PPFIA3: variants seen among roughly 807,000 people sequenced by gnomAD.
The protein encoded by PPFIA3 is liprin-alpha-3.
In PPFIA3, 26 loss-of-function variants were observed where a neutral mutation model predicts 145.8. That is an observed-to-expected ratio of 0.18 (90% CI 0.13 to 0.25). The LOEUF is 0.25. PPFIA3 is among the 10% of genes least tolerant of loss of function. The pLI is 1.00. For synonymous variants in PPFIA3, 645 were observed against 661.4 expected (o/e 0.98, Z 0.38); for missense variants, 1,008 against 1,587.8 (o/e 0.63, Z 6.21).
intron 7 of PPFIA3, among the ~76,000 whole-genome samples, chr19:49,132,390 CAAAAAAAAAAAAAAA>C (rs11351172): frequency 2.5e-4 from 11 of 43,650 alleles, no homozygotes; most frequent in South Asian, 1.4e-3. Context: ...CTCTCTCTCT[CAAAAAAAAAAAAAAA>C]AAAAAAAAAA....
In PPFIA3 at chr19:49,136,670, C is replaced by G. The variant is rs980143723; in HGVS notation, c.1666-54C>G. ...GTCAGGATCATGAGCCAAGACCCAGCGCCAACCTCGGCCCCCAGCCACCTA... is the reference window on the plus strand; with the variant it reads ...GTCAGGATCATGAGCCAAGACCCAGGGCCAACCTCGGCCCCCAGCCACCTA... On this transcript the variant is annotated intron_variant, in intron 14 of 29. Transcript: ENST00000334186. 14 of 1,301,192 alleles carry G rather than the reference C, an allele frequency of 1.1e-5. No individual in the cohort carries two copies. In the African/African-American group the frequency reaches 1.8e-4, roughly 17 times the overall value. 80.6% of individuals were successfully genotyped at this position (1,301,192 alleles called of 1,614,324 possible). A position where few individuals can be genotyped will look rare whatever the true frequency, so the allele number is the denominator to read the frequency against.
chr19:49,135,176 G>T (rs998977637), intron 13 of PPFIA3, among the ~76,000 whole-genome samples: 1 of 151,946 alleles, frequency 6.6e-6, no homozygotes, highest in African/African-American at 2.4e-5. Flanking sequence ...CAAGTAGCTG[G>T]GACTACAGGC....
At chr19:49,141,293 C>T (rs1600345142) in intron 18 of PPFIA3, 127 bp from the exon 19 acceptor site, 7 of 647,516 alleles carry the variant, frequency 1.1e-5, no homozygotes, top group Admixed American at 5.7e-5. Context: ...ATCACTTCCT[C>T]GATGTGCCCT....
chr19:49,121,294 C>A (rs1297540605), intron 1 of PPFIA3, among the ~76,000 whole-genome samples: 1 of 152,074 alleles, frequency 6.6e-6, no homozygotes, highest in Non-Finnish European at 1.5e-5. Context: ...TGCTGCCATA[C>A]AAATTTCTTT....
At position 49,139,690 on chromosome 19, in the gene PPFIA3, C is replaced by A. The variant is rs1172460578; in HGVS notation, c.2099C>A (p.Ala700Asp). 1 of 1,608,034 alleles carries A rather than the reference C, an allele frequency of 6.2e-7. No homozygotes were observed. Among genetic ancestry groups the A allele is most frequent in the African/African-American group, 1.3e-5 (1 of 74,808 alleles). The part of the protein sequence containing the change: ...DKANHVPKEE[A>D]GAPRGEGPAI... ...CAGAATCATGTCCCTAAGGAGGAAG[C>A]TGGAGCTCCACGAGGGGAGGGGCCG... The change falls in exon 17 of 30, where the codon GCT (alanine) becomes GAT (aspartate). Residue 700 changes from alanine (A) to aspartate (D), a missense_variant. Ala to Asp is a moderately radical substitution (Grantham distance 126). Transcript: ENST00000334186.
intron 16 of PPFIA3, among the ~76,000 whole-genome samples, 160 bp from the exon 17 acceptor site, chr19:49,139,508 A>G (rs1568439097): frequency 1.3e-5 from 2 of 151,410 alleles, no homozygotes; most frequent in African/African-American, 4.9e-5. Flanking sequence ...AAAAAAAAAA[A>G]AGTTTCTGCA....
rs751479335 is a variant in PPFIA3, at chr19:49,150,070, C to T, written c.3527-10C>T. The T allele has an allele frequency of 2.5e-6, 4 of 1,606,750 alleles. No homozygotes were observed. The highest frequency in any genetic ancestry group is 1.3e-5 in the African/African-American group (1 of 74,896). On this transcript the variant is annotated splice_polypyrimidine_tract_variant and intron_variant, in intron 28 of 29. Coordinates refer to ENST00000334186, the MANE Select transcript of PPFIA3 (RefSeq NM_003660.4). ...GCTCCAGGCTGAACCGCTGCTCGCT[C>T]TCCCTCCAGGCCAGACTTCTGGGAG... is the stretch of plus-strand genomic sequence containing the variant.
chr19:49,146,196 G>GGGGGCGC lies in PPFIA3; in HGVS notation c.2835+11_2835+17dup. ...CAAGGAGATCAGCTGGGAGCAGGTA[G>GGGGGCGC]GGGGCGCGGGGCGGGGCGTGAGCGC... On this transcript the variant is annotated splice_donor_region_variant and intron_variant, in intron 23 of 29. Transcript: ENST00000334186. 6.2e-7 allele frequency: 1 copy of GGGGGCGC among 1,613,838 alleles called. No homozygotes were observed. The highest frequency in any genetic ancestry group is 8.5e-7 in the Non-Finnish European group (1 of 1,179,920).
intron 19 of PPFIA3, among the ~76,000 whole-genome samples, 200 bp from the exon 20 acceptor site, chr19:49,141,834 T>A (rs1276544194): frequency 1.3e-5 from 2 of 152,114 alleles, no homozygotes; most frequent in Non-Finnish European, 2.9e-5. Context: ...TTTTGTTCTC[T>A]CTTTTGATAG....
chr19:49,133,448 G>C lies in PPFIA3; in HGVS notation c.1161+77G>C. On this transcript the variant is annotated intron_variant, in intron 9 of 29. Transcript: ENST00000334186. This position sits in a 1 kb window ranked among gnomAD's most constrained non-coding sequence, Gnocchi z 7.2. ...GAGGAGGCGGGGCCGTGAATCTGGAGGGGTAGGAGCGAGGTCAGAACCCCG... is the reference window on the plus strand; with the variant it reads ...GAGGAGGCGGGGCCGTGAATCTGGACGGGTAGGAGCGAGGTCAGAACCCCG... The C allele has an allele frequency of 6.8e-7, 1 of 1,462,978 alleles. No homozygotes were observed. Among genetic ancestry groups the C allele is most frequent in the Non-Finnish European group, 9.0e-7 (1 of 1,107,374 alleles). 90.6% of individuals were successfully genotyped at this position (1,462,978 alleles called of 1,614,324 possible).
At position 49,145,924 on chromosome 19, in the gene PPFIA3, A is replaced by G; in HGVS notation, c.2746-19A>G. On this transcript the variant is annotated intron_variant, in intron 21 of 29. Coordinates refer to ENST00000334186, the MANE Select transcript of PPFIA3 (RefSeq NM_003660.4). ...GCGAAGCCCTCTCCCACCATCCATT[A>G]ACACTCCCTGCCCCTCAGTCCACAG... 6.2e-7 allele frequency: 1 copy of G among 1,612,596 alleles called. No individual in the cohort carries two copies. The highest frequency in any genetic ancestry group is 8.5e-7 in the Non-Finnish European group (1 of 1,178,656).
chr19:49,148,503 A>G (rs1219231687), intron 24 of PPFIA3, 163 bp from the exon 25 acceptor site: 3 of 713,048 alleles, frequency 4.2e-6, no homozygotes, highest in South Asian at 1.9e-5. Flanking sequence ...GGAAGTGCCT[A>G]TTATTGAAAA....
rs1020054721 is a variant in PPFIA3 at position 49,133,430 on chromosome 19, C to T, written c.1161+59C>T. The stretch of plus-strand genomic sequence containing the variant: ...GGGAAGGGGTGGGGCCTAGAGGAGG[C>T]GGGGCCGTGAATCTGGAGGGGTAGG... On this transcript the variant is annotated intron_variant, in intron 9 of 29. Coordinates refer to ENST00000334186, the MANE Select transcript of PPFIA3 (RefSeq NM_003660.4). This position sits in a 1 kb window ranked among gnomAD's most constrained non-coding sequence, Gnocchi z 7.2. The T allele has an allele frequency of 3.7e-6, 5 of 1,346,922 alleles. No homozygotes were observed. Among genetic ancestry groups the T allele is most frequent in the African/African-American group, 3.2e-5 (2 of 62,188 alleles). 83.4% of individuals were successfully genotyped at this position (1,346,922 alleles called of 1,614,324 possible). A position where few individuals can be genotyped will look rare whatever the true frequency, so the allele number is the denominator to read the frequency against.
rs566360934 is a variant in PPFIA3, at chr19:49,140,026, G to A, written c.2306G>A (p.Arg769His). 4 of 1,614,182 alleles carry A rather than the reference G, an allele frequency of 2.5e-6. No individual in the cohort carries two copies. Among genetic ancestry groups the A allele is most frequent in the Admixed American group, 1.7e-5 (1 of 60,008 alleles). Residue 769 changes from arginine (R) to histidine (H), a missense_variant, in exon 18 of 30, where the codon CGT (arginine) becomes CAT (histidine). Arg to His is a conservative substitution (Grantham distance 29). This residue lies in a region of PPFIA3 where 202 missense variants were observed against 241.8 expected (regional missense o/e 0.84). Transcript: ENST00000334186. ...KKKSIKSSIG[R>H]LFGKKEKGRM... The stretch of plus-strand genomic sequence containing the variant: ...AAGAGCATCAAGTCATCCATAGGCC[G>A]TCTCTTTGGCAAGAAAGAGAAGGGA...
intron 14 of PPFIA3, 152 bp from the exon 15 acceptor site, chr19:49,136,572 C>G (rs767470852): frequency 1.4e-5 from 7 of 518,414 alleles, no homozygotes; most frequent in Non-Finnish European, 2.1e-5. Context: ...GAATGAGACT[C>G]TGTCTCAAGA....
intron 7 of PPFIA3, among the ~76,000 whole-genome samples, chr19:49,132,502 TG>T (rs1424457370): frequency 1.3e-5 from 2 of 148,348 alleles, no homozygotes; most frequent in African/African-American, 2.5e-5. Context: ...CCCCACCACG[TG>T]GGCTACCAGA....
intron 1 of PPFIA3, among the ~76,000 whole-genome samples, chr19:49,121,956 C>T (rs2040941412): frequency 6.6e-6 from 1 of 151,908 alleles, no homozygotes; most frequent in African/African-American, 2.4e-5. Flanking sequence ...TCTTGTCGCA[C>T]ATGTGCTCTT....
At chr19:49,144,044 C>T (rs917209121) in intron 21 of PPFIA3, among the ~76,000 whole-genome samples, 3 of 151,382 alleles carry the variant, frequency 2.0e-5, no homozygotes, top group Non-Finnish European at 2.9e-5. Context: ...CTTGCTTTGT[C>T]GCCAAGGCTG....
Position 49,133,441 on chromosome 19 carries a change from A to G in PPFIA3, c.1161+70A>G. On this transcript the variant is annotated intron_variant, in intron 9 of 29. Coordinates refer to ENST00000334186, the MANE Select transcript of PPFIA3 (RefSeq NM_003660.4). The surrounding 1 kb of genome is among the most constrained non-coding windows in gnomAD (Gnocchi z 7.2). ...GGGCCTAGAGGAGGCGGGGCCGTGA[A>G]TCTGGAGGGGTAGGAGCGAGGTCAG... 6.8e-7 allele frequency: 1 copy of G among 1,469,616 alleles called. No individual in the cohort carries two copies. The highest frequency in any genetic ancestry group is 9.0e-7 in the Non-Finnish European group (1 of 1,110,158). 91.0% of individuals were successfully genotyped at this position (1,469,616 alleles called of 1,614,324 possible).
Sources: gnomAD v4.1 joint callset for allele counts (sites outside exome capture counted in the v4.1 genomes callset) on GRCh38, gnomAD v4.1.1 for gene constraint, gnomAD v4.1.1 regional missense constraint, Gnocchi (gnomAD v3.1) non-coding constraint, MANE v1.5 for transcripts, NCBI Gene and HGNC (gene_info 2026-07-23, HGNC 2026-07-21) for gene names.